The following PAPSS1 variants were observed in gnomAD, a reference collection of about 807,000 sequenced individuals.
PAPSS1 encodes the protein 3'-phosphoadenosine 5'-phosphosulfate synthase 1.
A neutral mutation model predicts 72.0 loss-of-function variants in PAPSS1; 50 were observed. That is an observed-to-expected ratio of 0.69 (90% CI 0.55 to 0.88). The LOEUF (loss-of-function observed/expected upper bound fraction) is 0.88. Among genes scored for constraint, PAPSS1 ranks in the 40% least tolerant of loss-of-function variants. The pLI is 0.00. For synonymous variants in PAPSS1, 261 were observed against 263.6 expected (o/e 0.99, Z 0.09); for missense variants, 657 against 782.2 (o/e 0.84, Z 1.91).
intron 9 of PAPSS1, among the ~76,000 whole-genome samples, chr4:107,645,413 G>C (rs902072025): frequency 1.3e-5 from 2 of 152,098 alleles, no homozygotes; most frequent in African/African-American, 4.8e-5. Context: ...GCTTACCATA[G>C]ATAAACATTT....
chr4:107,638,764 G>A (rs914570209), intron 10 of PAPSS1, among the ~76,000 whole-genome samples: 7 of 152,156 alleles, frequency 4.6e-5, no homozygotes, highest in African/African-American at 1.7e-4. Flanking sequence ...ATTAAAATAG[G>A]TAACACTTAC....
intron 2 of PAPSS1, among the ~76,000 whole-genome samples, chr4:107,699,942 T>C (rs1387552327): frequency 6.6e-6 from 1 of 152,010 alleles, no homozygotes; most frequent in African/African-American, 2.4e-5. Context: ...ACCATTCAAA[T>C]AAAGAGCTCA....
Position 107,654,387 on chromosome 4 carries a change from C to A in PAPSS1, c.1101+308G>T, listed in dbSNP as rs539566325. Among the ~76,000 whole-genome samples the A allele has an allele frequency of 2.6e-5, 4 of 152,300 alleles. No individual in the cohort carries two copies. In the South Asian group the frequency reaches 6.2e-4, roughly 24 times the overall value. ...CATTATAAGTACATGCCTAAGCACA[C>A]GACGAGATTGTATACTCCAAGAGCT... On this transcript the variant is annotated intron_variant, in intron 8 of 11. Transcript: ENST00000265174.
rs72883509 is a variant in PAPSS1, at chr4:107,613,866, C to T, written c.*383G>A. 0.033 allele frequency: 4,996 copies of T among 152,750 alleles called. 257 individuals are homozygous for T. The highest frequency in any genetic ancestry group is 0.11 in the African/African-American group (4,745 of 41,330). The allele number at this position is 152,750 out of a possible 1,614,324, so 9.5% of individuals were successfully genotyped here. A position where few individuals can be genotyped will look rare whatever the true frequency, so the allele number is the denominator to read the frequency against. ...TAAAATCCTCAAAACAAGGTCTAGCCAAGTTTATTGTTTGGTAATTTTTTT... is the reference window on the plus strand; with the variant it reads ...TAAAATCCTCAAAACAAGGTCTAGCTAAGTTTATTGTTTGGTAATTTTTTT... On this transcript the variant is annotated 3_prime_UTR_variant, in exon 12 of 12. Transcript: ENST00000265174.
At chr4:107,684,119 G>A (rs1722710252) in intron 4 of PAPSS1, among the ~76,000 whole-genome samples, 1 of 152,172 alleles carries the variant, frequency 6.6e-6, no homozygotes, top group Admixed American at 6.6e-5. Context: ...AGTACAAACT[G>A]TAAGAGACCC....
rs181543833 is a variant in PAPSS1 at position 107,658,200 on chromosome 4, G to C, written c.784-1193C>G. ...AATAAGAAGAGCCTTGGTCCATCAA[G>C]TGACTCACAAAAAAAGTGACCATAA... On this transcript the variant is annotated intron_variant, in intron 6 of 11. Transcript: ENST00000265174. 1.6e-3 allele frequency among the ~76,000 whole-genome samples: 228 copies of C among 141,276 alleles called. 1 individual carries two copies. Among genetic ancestry groups the C allele is most frequent in the African/African-American group, 5.4e-3 (214 of 39,344 alleles). 92.7% of individuals were successfully genotyped at this position (141,276 alleles called of 152,430 possible). A position where few individuals can be genotyped will look rare whatever the true frequency, so the allele number is the denominator to read the frequency against.
chr4:107,651,036 G>A (rs1726826645), intron 9 of PAPSS1, among the ~76,000 whole-genome samples: 1 of 152,116 alleles, frequency 6.6e-6, no homozygotes, highest in Non-Finnish European at 1.5e-5. Flanking sequence ...CCTGTATACT[G>A]GGCCTAAAAC....
intron 5 of PAPSS1, among the ~76,000 whole-genome samples, chr4:107,669,289 T>C (rs1458720818): frequency 6.6e-6 from 1 of 152,242 alleles, no homozygotes; most frequent in African/African-American, 2.4e-5. Context: ...GGTTTCTCCA[T>C]GTGCCCTAAT....
chr4:107,666,361 AG>A (rs1464694287), intron 5 of PAPSS1, among the ~76,000 whole-genome samples: 3 of 152,210 alleles, frequency 2.0e-5, no homozygotes, highest in Non-Finnish European at 4.4e-5. Context: ...TGACCAATTT[AG>A]GGTCTAGGAA....
chr4:107,631,941 T>TG (rs916274230), intron 10 of PAPSS1, 81 bp from the exon 11 acceptor site: 2 of 796,450 alleles, frequency 2.5e-6, no homozygotes, highest in African/African-American at 3.5e-5. Context: ...TAAATGCATA[T>TG]GCTTTTTATA....
At chr4:107,708,506 T>C (rs527319696) in intron 1 of PAPSS1, among the ~76,000 whole-genome samples, 63 of 152,358 alleles carry the variant, frequency 4.1e-4, no homozygotes, top group African/African-American at 1.4e-3. Context: ...AGAAGAAACA[T>C]ATATCTAATG....
chr4:107,706,105 TTAAC>T (rs1436464229), intron 1 of PAPSS1, among the ~76,000 whole-genome samples: 4 of 152,218 alleles, frequency 2.6e-5, no homozygotes, highest in South Asian at 2.1e-4. Flanking sequence ...TTTTGACAGT[TTAAC>T]TATATGTCTT....
At chr4:107,680,319 A>G (rs892516538) in intron 5 of PAPSS1, among the ~76,000 whole-genome samples, 6 of 152,116 alleles carry the variant, frequency 3.9e-5, no homozygotes. Context: ...TTAAATTCAG[A>G]CATGAAAAAA....
At chr4:107,683,831 T>C (rs1722698637) in intron 4 of PAPSS1, among the ~76,000 whole-genome samples, 1 of 152,140 alleles carries the variant, frequency 6.6e-6, no homozygotes, top group South Asian at 2.1e-4. Context: ...TATATACCAT[T>C]ACAGCTTTGA....
chr4:107,650,760 T>C (rs111928179), intron 9 of PAPSS1, among the ~76,000 whole-genome samples: 4 of 152,052 alleles, frequency 2.6e-5, no homozygotes, highest in Non-Finnish European at 5.9e-5. Flanking sequence ...AAACTCACAG[T>C]ATAAGGACAA....
chr4:107,663,115 G>A (rs1727230567), intron 5 of PAPSS1, among the ~76,000 whole-genome samples: 2 of 152,148 alleles, frequency 1.3e-5, no homozygotes, highest in Non-Finnish European at 2.9e-5. Flanking sequence ...TAGGACTTCT[G>A]TGAGGAAGAG....
At chr4:107,688,406 G>A (rs1186041549) in intron 3 of PAPSS1, among the ~76,000 whole-genome samples, 1 of 152,148 alleles carries the variant, frequency 6.6e-6, no homozygotes, top group Non-Finnish European at 1.5e-5. Context: ...AATTGTGCCT[G>A]TGAATAGTCA....
intron 9 of PAPSS1, among the ~76,000 whole-genome samples, chr4:107,648,534 C>A (rs1425357413): frequency 6.6e-6 from 1 of 152,190 alleles, no homozygotes; most frequent in Non-Finnish European, 1.5e-5. Context: ...AGTATCCACC[C>A]CAACCACTGA....
chr4:107,714,989 G>C (rs1021785713), intron 1 of PAPSS1, among the ~76,000 whole-genome samples: 2 of 151,898 alleles, frequency 1.3e-5, no homozygotes, highest in African/African-American at 4.8e-5. Flanking sequence ...CTTGGGAACA[G>C]AGTAAAAATA....
Sources: allele counts gnomAD v4.1 joint callset (sites outside exome capture counted in the v4.1 genomes callset), GRCh38; gene constraint gnomAD v4.1.1; transcripts MANE v1.5; gene names NCBI Gene and HGNC (gene_info 2026-07-23, HGNC 2026-07-21).